GSE1: variants seen among roughly 807,000 people sequenced by gnomAD.
GSE1 encodes the protein genetic suppressor element 1.
A neutral mutation model predicts 112.6 loss-of-function variants in GSE1; 32 were observed. The ratio of observed to expected loss-of-function variants is 0.28; its 90% confidence interval spans 0.21 to 0.38. The LOEUF (loss-of-function observed/expected upper bound fraction) is 0.38. Among genes scored for constraint, GSE1 ranks in the 10% least tolerant of loss-of-function variants. The probability of loss-of-function intolerance (pLI) is 1.00; values close to 1 mark genes in which losing one functional copy is unlikely to be tolerated. For missense variants in GSE1, 2,348 were observed against 1,699.2 expected, an observed-to-expected ratio of 1.38 and a Z score of -6.71; for synonymous variants, 1,115 against 735.6, an observed-to-expected ratio of 1.52 and a Z score of -8.35.
At position 85,673,178 on chromosome 16, in the gene GSE1, GTAGCT is replaced by G. The variant is rs1567778266; in HGVS notation, c.*641_*645del. 3 of 152,518 alleles carry G rather than the reference GTAGCT, an allele frequency of 2.0e-5. No individual in the cohort carries two copies. The highest frequency in any genetic ancestry group is 7.2e-5 in the African/African-American group (3 of 41,402). The allele number at this position is 152,518 out of a possible 1,614,324, so 9.4% of individuals were successfully genotyped here. ...GATAAAACCAATTCACAAACTGAAGGTAGCTTTTTATTACTCCGTGGGGAGCATGT... is the reference window on the plus strand; with the variant it reads ...GATAAAACCAATTCACAAACTGAAGGTTTTATTACTCCGTGGGGAGCATGT... On this transcript the variant is annotated 3_prime_UTR_variant, in exon 16 of 16. Transcript: ENST00000253458.
Position 85,519,559 on chromosome 16 carries a change from T to TTTTAGTTTCCACC in GSE1, c.2465-114355_2465-114354insTTTAGTTTCCACC. 2.2e-4 allele frequency among the ~76,000 whole-genome samples: 2 copies of TTTTAGTTTCCACC among 9,276 alleles called. 1 individual carries two copies. Among genetic ancestry groups the TTTTAGTTTCCACC allele is most frequent in the African/African-American group, 6.8e-4 (2 of 2,948 alleles). The allele number at this position is 9,276 out of a possible 152,430, so 6.1% of individuals were successfully genotyped here. ...CCATCATCACTATTACCACCATCAC[T>TTTTAGTTTCCACC]ATCATCATCACCATCACCAGTCTCC... On this transcript the variant is annotated intron_variant, in intron 2 of 2. Transcript: ENST00000637419.
intron 1 of GSE1, among the ~76,000 whole-genome samples, chr16:85,180,273 G>A (rs116609217): frequency 0.019 from 2,892 of 152,366 alleles, 93 homozygotes; most frequent in African/African-American, 0.066. Flanking sequence ...AGGGCCCGGG[G>A]CAGGTGCCTC....
chr16:85,340,412 G>A (rs936046946), intron 1 of GSE1, among the ~76,000 whole-genome samples: 1 of 152,142 alleles, frequency 6.6e-6, no homozygotes, highest in Non-Finnish European at 1.5e-5. Context: ...GACCGAGGCA[G>A]GAGGATCACT....
upstream of GSE1, chr16:85,611,471 T>C (rs1448739681): frequency 1.0e-6 from 1 of 985,082 alleles, no homozygotes; most frequent in East Asian, 1.1e-4. Flanking sequence ...GCCGGTGAGC[T>C]GGCGGGTCGT....
intron 2 of GSE1, among the ~76,000 whole-genome samples, chr16:85,371,778 T>C (rs549698313): frequency 6.6e-6 from 1 of 152,302 alleles, no homozygotes; most frequent in East Asian, 1.9e-4. Context: ...CTGAGGTCAC[T>C]GAATCCCACC....
chr16:85,280,256 C>T (rs2044818531), intron 1 of GSE1, among the ~76,000 whole-genome samples: 1 of 152,124 alleles, frequency 6.6e-6, no homozygotes, highest in African/African-American at 2.4e-5. Flanking sequence ...TTCCATTGGC[C>T]AGGTGACCTT....
intron 1 of GSE1, among the ~76,000 whole-genome samples, chr16:85,267,231 T>A (rs549748533): frequency 1.3e-5 from 2 of 152,140 alleles, no homozygotes; most frequent in South Asian, 2.1e-4. Context: ...CTCGGCCCCC[T>A]CCCCATCGGG....
chr16:85,171,041 G>C, exon 1 of GSE1: 1 of 985,774 alleles, frequency 1.0e-6, no homozygotes, highest in Non-Finnish European at 1.2e-6. Flanking sequence ...AACGCCAGGA[G>C]CGCCATGCAT....
chr16:85,635,274 G>C (rs577352513), intron 2 of GSE1, among the ~76,000 whole-genome samples: 1 of 152,158 alleles, frequency 6.6e-6, no homozygotes, highest in Non-Finnish European at 1.5e-5. Flanking sequence ...GAGGCCCGTT[G>C]GGGTCTGGTT....
chr16:85,318,998 C>G (rs1488501409), intron 1 of GSE1, among the ~76,000 whole-genome samples: 1 of 152,166 alleles, frequency 6.6e-6, no homozygotes, highest in Non-Finnish European at 1.5e-5. Flanking sequence ...TGGCGCATCA[C>G]CTGGTGTCTG....
intron 1 of GSE1, among the ~76,000 whole-genome samples, chr16:85,333,094 G>A (rs1026178286): frequency 2.6e-5 from 4 of 152,034 alleles, no homozygotes; most frequent in African/African-American, 9.7e-5. Context: ...AAATCAGCCA[G>A]CACTCACCCA....
chr16:85,186,648 T>TGTG (rs1262100818), intron 1 of GSE1, among the ~76,000 whole-genome samples: 1 of 151,600 alleles, frequency 6.6e-6, no homozygotes, highest in Non-Finnish European at 1.5e-5. Flanking sequence ...GGCGCATGTC[T>TGTG]GTGGTCCCAG....
chr16:85,396,350 C>T (rs992012568), intron 2 of GSE1, among the ~76,000 whole-genome samples: 7 of 152,234 alleles, frequency 4.6e-5, no homozygotes, highest in Non-Finnish European at 8.8e-5. Flanking sequence ...CGTGGCCCAG[C>T]GCAGACAGGC....
chr16:85,284,868 G>A (rs2044971061), intron 1 of GSE1: 1 of 152,182 alleles, frequency 6.6e-6, no homozygotes, highest in South Asian at 2.1e-4. Context: ...GGGTGTCTGG[G>A]TTCTTTTTTG....
rs74031824 is a variant in GSE1, at chr16:85,512,035, G to A, written c.2465-121879G>A. Among the ~76,000 whole-genome samples the A allele has an allele frequency of 4.6e-3, 700 of 152,288 alleles. 8 individuals are homozygous for A. The highest frequency in any genetic ancestry group is 0.015 in the African/African-American group (618 of 41,554). ...ACGCAGGAGTGGAGGGAGGTGCATC[G>A]CAGTGTTGTGAGGGTCCGGGGGCTG... On this transcript the variant is annotated intron_variant, in intron 2 of 2. Coordinates refer to the GSE1 transcript ENST00000637419.
intron 2 of GSE1, among the ~76,000 whole-genome samples, chr16:85,644,621 A>G (rs1011779642): frequency 6.6e-6 from 1 of 152,154 alleles, no homozygotes; most frequent in African/African-American, 2.4e-5. Context: ...GCCCTTCTTT[A>G]GAGACGGAGA....
At chr16:85,228,112 G>C (rs952470901) in intron 1 of GSE1, among the ~76,000 whole-genome samples, 1 of 152,308 alleles carries the variant, frequency 6.6e-6, no homozygotes, top group Non-Finnish European at 1.5e-5. Context: ...GGAACAGCAC[G>C]GGCAGAGGCC....
intron 1 of GSE1, among the ~76,000 whole-genome samples, chr16:85,279,788 C>G (rs866353888): frequency 6.6e-6 from 1 of 152,138 alleles, no homozygotes; most frequent in Non-Finnish European, 1.5e-5. Flanking sequence ...TCTGTCTTCA[C>G]TTGAATTCTC....
intron 5 of GSE1, 26 bp downstream of exon 5, chr16:85,655,017 C>T (rs372468999): frequency 4.7e-5 from 66 of 1,410,320 alleles, no homozygotes; most frequent in Non-Finnish European, 6.0e-5. Context: ...CGCGCCCTCT[C>T]GTCTAGGTGC....
Sources: allele counts gnomAD v4.1 joint callset (sites outside exome capture counted in the v4.1 genomes callset), GRCh38; gene constraint gnomAD v4.1.1; transcripts MANE v1.5; gene names NCBI Gene and HGNC (gene_info 2026-07-23, HGNC 2026-07-21).